The following PSMD13 variants were observed in gnomAD, a reference collection of about 807,000 sequenced individuals.
PSMD13 encodes 26S proteasome non-ATPase regulatory subunit 13.
A neutral mutation model predicts 57.4 loss-of-function variants in PSMD13; 8 were observed. That is an observed-to-expected ratio of 0.14 (90% CI 0.08 to 0.25). PSMD13 has a LOEUF of 0.25. Among genes scored for constraint, PSMD13 ranks in the 10% least tolerant of loss-of-function variants. PSMD13 has a pLI of 1.00. For missense variants in PSMD13, 400 were observed against 461.5 expected (o/e 0.87, Z 1.22); for synonymous variants, 193 against 168.2 (o/e 1.15, Z -1.14).
rs1344615110 is a variant in PSMD13, at chr11:247,356, C to G, written c.476C>G (p.Ser159Cys). ...GTTCACAGTCGTTTCTATGATCTCTCCAGTAAATACTATCAAACAATCGGA... is the reference window on the plus strand; with the variant it reads ...GTTCACAGTCGTTTCTATGATCTCTGCAGTAAATACTATCAAACAATCGGA... ...TSVHSRFYDLSSKYYQTIGNH... is the reference protein window; with the variant it reads ...TSVHSRFYDLCSKYYQTIGNH... Residue 159 changes from serine to cysteine, a missense_variant, in exon 7 of 13, where the codon TCC becomes TGC. Ser to Cys is a moderately radical substitution (Grantham distance 112, BLOSUM62 -1). Transcript: ENST00000532097. The G allele has an allele frequency of 2.5e-6, 4 of 1,600,872 alleles. No individual in the cohort carries two copies. In the Admixed American group the frequency reaches 6.7e-5, roughly 27 times the overall value.
At chr11:240,570 G>A (rs1859492737) in intron 2 of PSMD13, among the ~76,000 whole-genome samples, 1 of 152,154 alleles carries the variant, frequency 6.6e-6, no homozygotes, top group African/African-American at 2.4e-5. Flanking sequence ...GTTTATTTAG[G>A]TTGGCAGATC....
In PSMD13 at chr11:252,487, T is replaced by A; in HGVS notation, c.1036-18T>A. The A allele has an allele frequency of 6.2e-7, 1 of 1,613,198 alleles. No individual in the cohort carries two copies. Among genetic ancestry groups the A allele is most frequent in the Non-Finnish European group, 8.5e-7 (1 of 1,179,250 alleles). On this transcript the variant is annotated intron_variant, in intron 12 of 12. Coordinates refer to ENST00000532097, the MANE Select transcript of PSMD13 (RefSeq NM_002817.4). This position sits in a 1 kb window ranked among gnomAD's most constrained non-coding sequence, Gnocchi z 4.1. ...CCTGCGTGTCTTAACGTCCCTTGTG[T>A]CCGGATTTCCATTTCAGATCAAGGG...
rs1264282639 is a variant in PSMD13 at position 237,015 on chromosome 11, G to T, written c.-35G>T. On this transcript the variant is annotated 5_prime_UTR_variant, in exon 1 of 13. Coordinates refer to ENST00000532097, the MANE Select transcript of PSMD13 (RefSeq NM_002817.4). Reference sequence around the variant, plus strand: ...GCCATCCCCGCGGTGCTGACATCCCGGTTGTTCTTCTGTGCCGGGGGTCTT... The same window carrying T: ...GCCATCCCCGCGGTGCTGACATCCCTGTTGTTCTTCTGTGCCGGGGGTCTT... 1.3e-6 allele frequency: 2 copies of T among 1,555,632 alleles called. No individual in the cohort carries two copies. Among genetic ancestry groups the T allele is most frequent in the Non-Finnish European group, 1.8e-6 (2 of 1,128,060 alleles).
intron 1 of PSMD13, among the ~76,000 whole-genome samples, chr11:238,389 A>G (rs1859429486): frequency 6.6e-6 from 1 of 152,230 alleles, no homozygotes; most frequent in Admixed American, 6.5e-5. Flanking sequence ...AGTGATCTCA[A>G]AGTGACATAG....
intron 2 of PSMD13, among the ~76,000 whole-genome samples, chr11:239,437 C>G (rs1418206740): frequency 6.6e-6 from 1 of 152,118 alleles, no homozygotes; most frequent in African/African-American, 2.4e-5. Context: ...TTTTAGTACT[C>G]TAGTTTTAGA....
intron 7 of PSMD13, chr11:247,980 C>T (rs76312605): frequency 0.096 from 14,674 of 153,124 alleles, 966 homozygotes; most frequent in Non-Finnish European, 0.14. Flanking sequence ...CTCGCTCCTT[C>T]ACTGTCCCTT....
intron 2 of PSMD13, chr11:243,122 A>C: frequency 1.7e-6 from 1 of 593,636 alleles, no homozygotes; most frequent in Admixed American, 2.2e-5. Context: ...CCCTTTTTTT[A>C]CTTCCCTCTC....
intron 7 of PSMD13, chr11:248,540 T>G (rs1279334851): frequency 3.7e-6 from 2 of 537,868 alleles, no homozygotes; most frequent in Non-Finnish European, 6.6e-6. Context: ...ATGAATAGAT[T>G]CACATATATT....
Position 239,050 on chromosome 11 carries a change from T to C in PSMD13, c.148T>C (p.Phe50Leu). Residue 50 changes from phenylalanine (F) to leucine (L), a missense_variant, in exon 2 of 13, where the codon TTT becomes CTT. Transcript: ENST00000532097. ...GCTTGATTTTGTGCAGGATCCGTGC[T>C]TTGCCCAAGGAGATGGTCTCATTAA... Reference protein sequence around the residue: ...QVLDFVQDPCFAQGDGLIKLY... With the variant: ...QVLDFVQDPCLAQGDGLIKLY... The C allele has an allele frequency of 6.2e-7, 1 of 1,614,192 alleles. No individual in the cohort carries two copies. Among genetic ancestry groups the C allele is most frequent in the Admixed American group, 1.7e-5 (1 of 60,020 alleles).
intron 4 of PSMD13, 72 bp downstream of exon 4, chr11:244,288 CT>C: frequency 1.9e-6 from 3 of 1,587,986 alleles, no homozygotes; most frequent in Non-Finnish European, 2.6e-6. Context: ...GTTAACTGAA[CT>C]TTTGTGTTTT....
At chr11:241,635 CAG>C (rs971646067) in intron 2 of PSMD13, among the ~76,000 whole-genome samples, 4 of 152,292 alleles carry the variant, frequency 2.6e-5, no homozygotes, top group African/African-American at 9.6e-5. Context: ...ACCCCTAACT[CAG>C]GGGTTATTGT....
In PSMD13 at chr11:251,335, A is replaced by C; in HGVS notation, c.838-211A>C. 1.8e-6 allele frequency: 1 copy of C among 555,636 alleles called. No individual in the cohort carries two copies. The highest frequency in any genetic ancestry group is 3.2e-6 in the Non-Finnish European group (1 of 316,746). 34.4% of individuals were successfully genotyped at this position (555,636 alleles called of 1,614,324 possible). A position where few individuals can be genotyped will look rare whatever the true frequency, so the allele number is the denominator to read the frequency against. On this transcript the variant is annotated intron_variant, in intron 10 of 12. Transcript: ENST00000532097. The surrounding 1 kb of genome is among the most constrained non-coding windows in gnomAD (Gnocchi z 4.6). The stretch of plus-strand genomic sequence containing the variant: ...GATTGAACAATGGCTACTGTCAGAA[A>C]CTCCTGTAAGGCATTTTGCTGTTAT...
At chr11:237,756 C>CT (rs951109292) in intron 1 of PSMD13, among the ~76,000 whole-genome samples, 1 of 152,194 alleles carries the variant, frequency 6.6e-6, no homozygotes, top group Non-Finnish European at 1.5e-5. Context: ...CTAGAAAGAT[C>CT]TTAAAGTTTA....
intron 7 of PSMD13, 100 bp from the exon 8 acceptor site, chr11:248,676 C>T: frequency 2.6e-6 from 3 of 1,170,738 alleles, no homozygotes; most frequent in Non-Finnish European, 3.8e-6. Context: ...ACAACCATTA[C>T]AAACAATGTT....
chr11:250,078 C>G (rs1285665497), intron 9 of PSMD13, among the ~76,000 whole-genome samples: 1 of 152,082 alleles, frequency 6.6e-6, no homozygotes, highest in Non-Finnish European at 1.5e-5. Context: ...AGCATCTATT[C>G]AGGCAGCAAA....
At chr11:250,062 G>A (rs748154019) in intron 9 of PSMD13, among the ~76,000 whole-genome samples, 1 of 152,104 alleles carries the variant, frequency 6.6e-6, no homozygotes, top group Non-Finnish European at 1.5e-5. Flanking sequence ...GTAGATGCAT[G>A]TTGGCAGCAT....
intron 7 of PSMD13, 63 bp from the exon 8 acceptor site, chr11:248,713 T>C: frequency 6.7e-7 from 1 of 1,499,252 alleles, no homozygotes; most frequent in Non-Finnish European, 9.2e-7. Context: ...TATGAGATTT[T>C]TAAAGCTAAA....
rs1859461262 is a variant in PSMD13, at chr11:239,053, G to T, written c.151G>T (p.Ala51Ser). 6.2e-7 allele frequency: 1 copy of T among 1,613,970 alleles called. No homozygotes were observed. Residue 51 changes from alanine (A) to serine (S), a missense_variant, in exon 2 of 13, where the codon GCC becomes TCC. Transcript: ENST00000532097. Reference sequence around the variant, plus strand: ...TGATTTTGTGCAGGATCCGTGCTTTGCCCAAGGAGATGGTCTCATTAAGGT... The same window carrying T: ...TGATTTTGTGCAGGATCCGTGCTTTTCCCAAGGAGATGGTCTCATTAAGGT... ...VLDFVQDPCF[A>S]QGDGLIKLYE...
chr11:244,756 A>G lies in PSMD13; in HGVS notation c.391A>G (p.Thr131Ala). The G allele has an allele frequency of 6.2e-7, 1 of 1,608,468 alleles. No homozygotes were observed. The highest frequency in any genetic ancestry group is 8.5e-7 in the Non-Finnish European group (1 of 1,175,286). Residue 131 changes from threonine to alanine, a missense_variant, in exon 6 of 13, where the codon ACA (threonine) becomes GCA (alanine). Transcript: ENST00000532097. The part of the protein sequence containing the change: ...LKLNIGDLQV[T>A]KETIEDVEEM... ...ATTAAACATCGGGGACCTACAGGTT[A>G]CAAAGGTGAGATCACCATAATACAG...
Sources: gnomAD v4.1 joint callset for allele counts (sites outside exome capture counted in the v4.1 genomes callset) on GRCh38, gnomAD v4.1.1 for gene constraint, Gnocchi (gnomAD v3.1) non-coding constraint, MANE v1.5 for transcripts, NCBI Gene and HGNC (gene_info 2026-07-23, HGNC 2026-07-21) for gene names.